The following KIF20B variants were observed in gnomAD, a reference collection of about 807,000 sequenced individuals.
KIF20B encodes kinesin-like protein KIF20B.
Under a neutral mutation model 232.5 loss-of-function variants are expected in KIF20B, and 188 were observed. The ratio of observed to expected loss-of-function variants is 0.81; its 90% CI spans 0.72 to 0.91. The LOEUF is 0.91. Among genes scored for constraint, KIF20B ranks in the 40% least tolerant of loss-of-function variants. The pLI is 0.00. For synonymous variants in KIF20B, 712 were observed against 683.0 expected, an observed-to-expected ratio of 1.04 and a Z score of -0.66; for missense variants, 2,154 against 2,055.9, an observed-to-expected ratio of 1.05 and a Z score of -0.92.
Position 89,723,953 on chromosome 10 carries a change from A to T in KIF20B, c.1723-11A>T. On this transcript the variant is annotated splice_polypyrimidine_tract_variant and intron_variant, in intron 13 of 32. Transcript: ENST00000371728. ...TTCTTTTATAAGAATTTTATCATTTACATGTAATAGAAACTGTTGGACTTA... is the reference window on the plus strand; with the variant it reads ...TTCTTTTATAAGAATTTTATCATTTTCATGTAATAGAAACTGTTGGACTTA... 6.7e-7 allele frequency: 1 copy of T among 1,497,276 alleles called. No individual in the cohort carries two copies. The highest frequency in any genetic ancestry group is 9.0e-7 in the Non-Finnish European group (1 of 1,112,662). 92.7% of individuals were successfully genotyped at this position (1,497,276 alleles called of 1,614,324 possible). A position where few individuals can be genotyped will look rare whatever the true frequency, so the allele number is the denominator to read the frequency against.
chr10:89,712,886 T>A (rs1357950927), intron 6 of KIF20B, among the ~76,000 whole-genome samples: 1 of 152,182 alleles, frequency 6.6e-6, no homozygotes, highest in African/African-American at 2.4e-5. Flanking sequence ...CAAATTTTTC[T>A]TTTTTAAAAC....
chr10:89,754,603 A>C lies in KIF20B; in HGVS notation c.4433A>C (p.Asn1478Thr), dbSNP rs1356535476. 1.2e-6 allele frequency: 2 copies of C among 1,606,536 alleles called. No individual in the cohort carries two copies. Among genetic ancestry groups the C allele is most frequent in the Non-Finnish European group, 1.7e-6 (2 of 1,176,672 alleles). ...ATCACTCAAGCGAAAGAAGCAGAGA[A>C]TATACGAAATAAAGAGATGAAAAAA... The part of the protein sequence containing the change: ...MLITQAKEAE[N>T]IRNKEMKKYA... Residue 1478 changes from asparagine (N) to threonine (T), a missense_variant, in exon 26 of 33, where the codon AAT becomes ACT. Physicochemically the swap from Asn to Thr is moderately conservative, Grantham distance 65 (BLOSUM62 0). Coordinates refer to ENST00000371728, the MANE Select transcript of KIF20B (RefSeq NM_001284259.2).
rs1197634221 is a variant in KIF20B, at chr10:89,758,892, C to CT, written c.4680+16dup. 6 of 1,468,228 alleles carry CT rather than the reference C, an allele frequency of 4.1e-6. No individual in the cohort carries two copies. Among genetic ancestry groups the CT allele is most frequent in the Non-Finnish European group, 5.5e-6 (6 of 1,099,734 alleles). The allele number at this position is 1,468,228 out of a possible 1,614,324, so 91.0% of individuals were successfully genotyped here. A position where few individuals can be genotyped will look rare whatever the true frequency, so the allele number is the denominator to read the frequency against. On this transcript the variant is annotated intron_variant, in intron 27 of 32. Coordinates refer to ENST00000371728, the MANE Select transcript of KIF20B (RefSeq NM_001284259.2). ...AGAGACTTCTAAAATAGTCAGTAGT[C>CT]TTTTTTGCTATGCCTTTTTAATTGA...
intron 11 of KIF20B, 64 bp from the exon 12 acceptor site, chr10:89,718,646 T>A (rs1842984941): frequency 7.9e-7 from 1 of 1,269,026 alleles, no homozygotes; most frequent in Admixed American, 2.1e-5. Flanking sequence ...GTAAAATGTC[T>A]CAGCACCCTG....
chr10:89,740,500 T>C (rs1841774681), intron 21 of KIF20B, among the ~76,000 whole-genome samples: 1 of 152,128 alleles, frequency 6.6e-6, no homozygotes. Context: ...CCCTCCTCTC[T>C]TCCACAGAGT....
intron 26 of KIF20B, among the ~76,000 whole-genome samples, chr10:89,757,370 T>C (rs1049395841): frequency 1.6e-4 from 24 of 151,956 alleles, no homozygotes; most frequent in Non-Finnish European, 3.4e-4. Context: ...CTTTATACTT[T>C]TCGGGATAGA....
At chr10:89,742,396 A>T (rs1841818530) in intron 21 of KIF20B, among the ~76,000 whole-genome samples, 1 of 152,194 alleles carries the variant, frequency 6.6e-6, no homozygotes, top group Non-Finnish European at 1.5e-5. Flanking sequence ...GTCTAAGTTC[A>T]CTTGTCTTAG....
In KIF20B at chr10:89,717,563, T is replaced by C. The variant is rs184665158; in HGVS notation, c.1125-13T>C. The stretch of plus-strand genomic sequence containing the variant: ...TGAAGAACTTTTAAAGTACTTTTTT[T>C]TTCTTAATTCAGATTATCTTTATGT... On this transcript the variant is annotated splice_polypyrimidine_tract_variant and intron_variant, in intron 10 of 32. Coordinates refer to ENST00000371728, the MANE Select transcript of KIF20B (RefSeq NM_001284259.2). 30 of 1,599,786 alleles carry C rather than the reference T, an allele frequency of 1.9e-5. No individual in the cohort carries two copies. In the Admixed American group the frequency reaches 3.3e-4, roughly 18 times the overall value.
In KIF20B at chr10:89,725,126, A is replaced by G; in HGVS notation, c.1969A>G (p.Lys657Glu). ...ATGTGACACTCGAGAAGAAGCAGCG[A>G]AAGACATTTGTGCCACAAAAGTTGA... ...GKCDTREEAA[K>E]DICATKVETE... Residue 657 changes from lysine (K) to glutamate (E), a missense_variant, in exon 15 of 33, where the codon AAA (lysine) becomes GAA (glutamate). Physicochemically the swap from Lys to Glu is moderately conservative, Grantham distance 56. Coordinates refer to ENST00000371728, the MANE Select transcript of KIF20B (RefSeq NM_001284259.2). 1 of 1,614,056 alleles carries G rather than the reference A, an allele frequency of 6.2e-7. No homozygotes were observed. The highest frequency in any genetic ancestry group is 8.5e-7 in the Non-Finnish European group (1 of 1,179,966).
intron 25 of KIF20B, 65 bp from the exon 26 acceptor site, chr10:89,754,453 T>G (rs1375157486): frequency 9.5e-7 from 1 of 1,047,708 alleles, no homozygotes; most frequent in Admixed American, 3.0e-5. Flanking sequence ...ATGAAAATGT[T>G]ATAGAAACAT....
At chr10:89,768,572 ACT>A (rs943947011) in intron 30 of KIF20B, among the ~76,000 whole-genome samples, 164 bp from the exon 31 acceptor site, 43 of 151,900 alleles carry the variant, frequency 2.8e-4, no homozygotes, top group Non-Finnish European at 4.9e-4. Flanking sequence ...TGCCTGTCAA[ACT>A]CTTTTTGCCA....
Position 89,719,580 on chromosome 10 carries a change from C to T in KIF20B, c.1596C>T (p.Asp532=), listed in dbSNP as rs375357209. Residue 532 remains aspartate, a synonymous_variant, in exon 13 of 33, where the codon GAC becomes GAT. Transcript: ENST00000371728. The part of the protein sequence containing the change: ...WENSLEDLME[D]EDLVEELENA... ...ATAGTCTAGAAGATTTGATGGAAGA[C>T]GAGGATTTGGTTGAGGAGCTAGAAA... The T allele has an allele frequency of 3.9e-5, 63 of 1,613,192 alleles. No individual in the cohort carries two copies. Among genetic ancestry groups the T allele is most frequent in the East Asian group, 1.6e-4 (7 of 44,790 alleles).
At chr10:89,755,224 A>G (rs1842095895) in intron 26 of KIF20B, among the ~76,000 whole-genome samples, 1 of 152,242 alleles carries the variant, frequency 6.6e-6, no homozygotes, top group Admixed American at 6.5e-5. Context: ...GCTATTGAGC[A>G]ACAAATATTT....
Position 89,705,437 on chromosome 10 carries a change from C to T in KIF20B, c.143C>T (p.Thr48Ile). ...GAATTTTCCTTAGTTGCTCCAAATA[C>T]TGAGGTAAGTACAAGAAAAGTATTG... ...SHEFSLVAPN[T>I]EANSFESKDY... Residue 48 changes from threonine to isoleucine, a missense_variant, in exon 2 of 33, where the codon ACT (threonine) becomes ATT (isoleucine). Coordinates refer to ENST00000371728, the MANE Select transcript of KIF20B (RefSeq NM_001284259.2). The T allele has an allele frequency of 1.9e-6, 3 of 1,613,724 alleles. No homozygotes were observed. The highest frequency in any genetic ancestry group is 2.5e-6 in the Non-Finnish European group (3 of 1,179,812).
chr10:89,763,666 T>A (rs931061326), intron 29 of KIF20B, among the ~76,000 whole-genome samples: 1 of 152,076 alleles, frequency 6.6e-6, no homozygotes, highest in Non-Finnish European at 1.5e-5. Flanking sequence ...AGTTTCTTGA[T>A]TGAAGGGTTG....
Position 89,737,713 on chromosome 10 carries a change from G to T in KIF20B, c.2872G>T (p.Glu958Ter), listed in dbSNP as rs775282828. The change falls in exon 20 of 33, where the codon GAG (glutamate) becomes TAG (stop). Residue 958 changes from glutamate (E) to a stop codon, truncating the protein, a stop_gained. Coordinates refer to ENST00000371728, the MANE Select transcript of KIF20B (RefSeq NM_001284259.2). LOFTEE classifies it high-confidence loss of function. The part of the protein sequence containing the change: ...HVQKSKNQEQ[E>*]EKIMKLSNEI... ...GCAGAAAAGTAAAAATCAAGAACAGGAGGAAAAGATCATGAAATTGTCAAA... is the reference window on the plus strand; with the variant it reads ...GCAGAAAAGTAAAAATCAAGAACAGTAGGAAAAGATCATGAAATTGTCAAA... 1.2e-6 allele frequency: 2 copies of T among 1,612,910 alleles called. No homozygotes were observed. The highest frequency in any genetic ancestry group is 1.7e-6 in the Non-Finnish European group (2 of 1,179,436).
At position 89,737,707 on chromosome 10, in the gene KIF20B, G is replaced by A; in HGVS notation, c.2866G>A (p.Glu956Lys). Reference protein sequence around the residue: ...ELHVQKSKNQEQEEKIMKLSN... With the variant: ...ELHVQKSKNQKQEEKIMKLSN... ...ACATGTGCAGAAAAGTAAAAATCAAGAACAGGAGGAAAAGATCATGAAATT... is the reference window on the plus strand; with the variant it reads ...ACATGTGCAGAAAAGTAAAAATCAAAAACAGGAGGAAAAGATCATGAAATT... Residue 956 changes from glutamate to lysine, a missense_variant, in exon 20 of 33, where the codon GAA (glutamate) becomes AAA (lysine). By Grantham distance (56) the Glu-to-Lys change is moderately conservative. Coordinates refer to ENST00000371728, the MANE Select transcript of KIF20B (RefSeq NM_001284259.2). The A allele has an allele frequency of 1.2e-6, 2 of 1,612,858 alleles. No homozygotes were observed. Among genetic ancestry groups the A allele is most frequent in the East Asian group, 2.2e-5 (1 of 44,790 alleles).
intron 31 of KIF20B, 147 bp from the exon 32 acceptor site, chr10:89,772,542 C>G (rs1842485039): frequency 2.3e-6 from 1 of 440,454 alleles, no homozygotes. Context: ...CTATTCATGC[C>G]CTTTCACCAT....
chr10:89,754,389 A>T lies in KIF20B; in HGVS notation c.4348-129A>T, dbSNP rs537657364. 52 of 457,344 alleles carry T rather than the reference A, an allele frequency of 1.1e-4. No individual in the cohort carries two copies. In the East Asian group the frequency reaches 1.4e-3, roughly 12 times the overall value. 28.3% of individuals were successfully genotyped at this position (457,344 alleles called of 1,614,324 possible). On this transcript the variant is annotated intron_variant, in intron 25 of 32. Transcript: ENST00000371728. ...AATAATCTGAAGCTTTGATCTTGTC[A>T]TTGTTTAAAGTGAAACATTAAAGTT...
Sources: gnomAD v4.1 joint callset for allele counts (sites outside exome capture counted in the v4.1 genomes callset) on GRCh38, gnomAD v4.1.1 for gene constraint, MANE v1.5 for transcripts, NCBI Gene and HGNC (gene_info 2026-07-23, HGNC 2026-07-21) for gene names.